ODAD2: variants seen among roughly 807,000 people sequenced by gnomAD.
ODAD2 encodes outer dynein arm-docking complex subunit 2.
Under a neutral mutation model 106.8 loss-of-function variants are expected in ODAD2, and 89 were observed. That is an observed-to-expected ratio of 0.83 (90% CI 0.70 to 0.99). The LOEUF is 0.99. Among genes scored for constraint, ODAD2 ranks in the 50% least tolerant of loss-of-function variants. The probability of loss-of-function intolerance (pLI) is 0.00; values close to 1 mark genes in which losing one functional copy is unlikely to be tolerated. For missense variants in ODAD2, 1,168 were observed against 1,238.5 expected (o/e 0.94, Z 0.85); for synonymous variants, 404 against 436.2 (o/e 0.93, Z 0.92).
chr10:27,820,942 G>C (rs907745270), intron 19 of ODAD2, among the ~76,000 whole-genome samples: 1 of 151,770 alleles, frequency 6.6e-6, no homozygotes, highest in African/African-American at 2.4e-5. Flanking sequence ...CCACCACACC[G>C]GCTAATTTTG....
intron 10 of ODAD2, among the ~76,000 whole-genome samples, chr10:27,949,117 G>A (rs909353319): frequency 2.6e-5 from 4 of 151,992 alleles, no homozygotes; most frequent in Non-Finnish European, 4.4e-5. Context: ...GTTGAAATGA[G>A]CAATGTATTC....
chr10:27,979,946 T>C (rs1849442372), intron 7 of ODAD2, among the ~76,000 whole-genome samples: 1 of 152,162 alleles, frequency 6.6e-6, no homozygotes, highest in South Asian at 2.1e-4. Context: ...GGACTCACAC[T>C]TCCTTATGTC....
chr10:27,989,730 C>G (rs1258169495), intron 2 of ODAD2, among the ~76,000 whole-genome samples: 2 of 152,126 alleles, frequency 1.3e-5, no homozygotes, highest in African/African-American at 4.8e-5. Context: ...GTGCTTTGGT[C>G]CCAGCTACTT....
intron 3 of ODAD2, 112 bp downstream of exon 3, chr10:27,987,274 T>C (rs1564580364): frequency 3.2e-6 from 3 of 943,118 alleles, no homozygotes; most frequent in Non-Finnish European, 3.1e-6. Flanking sequence ...ACCTTGTAGA[T>C]TGTAGAATCT....
intron 19 of ODAD2, among the ~76,000 whole-genome samples, chr10:27,850,362 G>A (rs1406295568): frequency 4.0e-5 from 6 of 150,676 alleles, no homozygotes; most frequent in Non-Finnish European, 5.9e-5. Flanking sequence ...GGAGAATGGC[G>A]TGAACCTGGG....
In ODAD2 at chr10:27,940,576, T is replaced by C. The variant is rs1215265131; in HGVS notation, c.1973A>G (p.Glu658Gly). The C allele has an allele frequency of 4.3e-6, 7 of 1,614,064 alleles. No homozygotes were observed. The highest frequency in any genetic ancestry group is 5.9e-6 in the Non-Finnish European group (7 of 1,179,968). Residue 658 changes from glutamate to glycine, a missense_variant, in exon 13 of 20, where the codon GAG (glutamate) becomes GGG (glycine). Glu to Gly is a moderately conservative substitution (Grantham distance 98). Coordinates refer to ENST00000305242, the MANE Select transcript of ODAD2 (RefSeq NM_018076.5). ...MLIPVVGTLQ[E>G]CASEENYRAA... ...TGGCATGAGTACCTCTGATGCACAC[T>C]CTTGCAATGTCCCCACCACTGGAAT...
intron 16 of ODAD2, among the ~76,000 whole-genome samples, chr10:27,915,278 T>C (rs1050259507): frequency 1.3e-5 from 2 of 152,156 alleles, no homozygotes; most frequent in African/African-American, 2.4e-5. Flanking sequence ...GCTGGGTGGC[T>C]TGTAAACAAC....
chr10:27,992,287 T>C (rs1355738692), intron 2 of ODAD2, among the ~76,000 whole-genome samples: 3 of 152,126 alleles, frequency 2.0e-5, no homozygotes, highest in Non-Finnish European at 4.4e-5. Flanking sequence ...ATTGAGAAAT[T>C]AGCCCAAGGA....
At chr10:27,965,214 G>C (rs1848411876) in intron 9 of ODAD2, among the ~76,000 whole-genome samples, 1 of 152,204 alleles carries the variant, frequency 6.6e-6, no homozygotes, top group East Asian at 1.9e-4. Flanking sequence ...GGTTACACTA[G>C]CCTCATAGGA....
At chr10:27,965,926 A>G (rs189377570) in intron 9 of ODAD2, among the ~76,000 whole-genome samples, 1 of 152,310 alleles carries the variant, frequency 6.6e-6, no homozygotes, top group East Asian at 1.9e-4. Flanking sequence ...TTAAGCCTTC[A>G]TGCTTATATC....
chr10:27,812,660 G>T (rs1835832971), intron 19 of ODAD2, 35 bp from the exon 20 acceptor site: 1 of 1,533,996 alleles, frequency 6.5e-7, no homozygotes, highest in African/African-American at 1.4e-5. Flanking sequence ...AGGGACACAA[G>T]AATAAAAACA....
At chr10:27,984,049 A>C in intron 5 of ODAD2, 70 bp from the exon 6 acceptor site, 1 of 1,559,542 alleles carries the variant, frequency 6.4e-7, no homozygotes, top group East Asian at 2.2e-5. Context: ...GTTGGCTTCC[A>C]CAAAATAAAT....
intron 7 of ODAD2, among the ~76,000 whole-genome samples, chr10:27,975,251 G>A (rs368237525): frequency 2.6e-5 from 4 of 152,012 alleles, no homozygotes; most frequent in Non-Finnish European, 5.9e-5. Flanking sequence ...TAAACGTATT[G>A]TAACATTTTT....
Position 27,981,539 on chromosome 10 carries a change from C to T in ODAD2, c.863G>A (p.Gly288Asp), listed in dbSNP as rs148299600. Residue 288 changes from glycine to aspartate, a missense_variant, in exon 7 of 20, where the codon GGT (glycine) becomes GAT (aspartate). By Grantham distance (94) the Gly-to-Asp change is moderately conservative. This residue lies in a region of ODAD2 where 430 missense variants were observed against 452.2 expected (regional missense o/e 0.95). Transcript: ENST00000305242. ...TGTGACAAGGTTTTTATAAATTGAA[C>T]CTTTTCTCTCATAATTAACGTCCCC... The part of the protein sequence containing the change: ...DEGDVNYERK[G>D]SIYKNLVTFL... 3 of 1,538,676 alleles carry T rather than the reference C, an allele frequency of 1.9e-6. No homozygotes were observed. Among genetic ancestry groups the T allele is most frequent in the Non-Finnish European group, 1.7e-6 (2 of 1,156,240 alleles).
intron 17 of ODAD2, among the ~76,000 whole-genome samples, chr10:27,868,964 G>A (rs1840658020): frequency 6.6e-6 from 1 of 151,830 alleles, no homozygotes; most frequent in Non-Finnish European, 1.5e-5. Context: ...CAAAACAGAT[G>A]AAAACTGTAA....
At chr10:27,899,718 C>T (rs1408287572) in intron 17 of ODAD2, among the ~76,000 whole-genome samples, 5 of 152,210 alleles carry the variant, frequency 3.3e-5, no homozygotes, top group Non-Finnish European at 5.9e-5. Flanking sequence ...CTGGGCGGAG[C>T]CCACCACAGC....
intron 17 of ODAD2, among the ~76,000 whole-genome samples, chr10:27,903,009 C>A (rs1843320622): frequency 6.6e-6 from 1 of 152,028 alleles, no homozygotes; most frequent in Non-Finnish European, 1.5e-5. Flanking sequence ...AAGAAAATGT[C>A]AAGCCAATGT....
At chr10:27,903,999 T>A (rs574308063) in intron 17 of ODAD2, among the ~76,000 whole-genome samples, 1 of 152,294 alleles carries the variant, frequency 6.6e-6, no homozygotes, top group Admixed American at 6.5e-5. Context: ...TTTCTCCAAA[T>A]AAGGACTACC....
chr10:27,987,449 G>A lies in ODAD2; in HGVS notation c.319C>T (p.Leu107=). The stretch of plus-strand genomic sequence containing the variant: ...TTGGCAATAAGTAACAAGCGTGACA[G>A]CTGCCCAAAGCTCCTAATTTTAATT... ...PQIKIRSFGQ[L]SRLLLIAKTG... is the part of the protein sequence containing the mutation. The change falls in exon 3 of 20, where the codon CTG becomes TTG. Residue 107 remains leucine (L), a synonymous_variant. Coordinates refer to ENST00000305242, the MANE Select transcript of ODAD2 (RefSeq NM_018076.5). The A allele has an allele frequency of 1.2e-6, 2 of 1,613,910 alleles. No individual in the cohort carries two copies. Among genetic ancestry groups the A allele is most frequent in the Non-Finnish European group, 1.7e-6 (2 of 1,179,908 alleles).
Sources: allele counts gnomAD v4.1 joint callset (sites outside exome capture counted in the v4.1 genomes callset), GRCh38; gene constraint gnomAD v4.1.1; regional missense constraint gnomAD v4.1.1; transcripts MANE v1.5; gene names NCBI Gene and HGNC (gene_info 2026-07-23, HGNC 2026-07-21).